NCAM1: variants seen among roughly 807,000 people sequenced by gnomAD.
The protein encoded by NCAM1 is neural cell adhesion molecule 1.
Under a neutral mutation model 109.8 loss-of-function variants are expected in NCAM1, and 14 were observed. The ratio of observed to expected loss-of-function variants is 0.13; its 90% CI spans 0.08 to 0.20. The LOEUF (loss-of-function observed/expected upper bound fraction) is 0.20, where lower values mean the gene tolerates loss of function less well. NCAM1 is among the 10% of genes least tolerant of loss of function. The pLI is 1.00. For missense variants in NCAM1, 774 were observed against 1,109.9 expected (o/e 0.70, Z 4.30); for synonymous variants, 418 against 442.9 (o/e 0.94, Z 0.70).
chr11:112,965,623 A>T (rs1455707224), intron 1 of NCAM1, among the ~76,000 whole-genome samples: 2 of 152,208 alleles, frequency 1.3e-5, no homozygotes, highest in African/African-American at 2.4e-5. Flanking sequence ...CTGCTTAAAT[A>T]ATGGACTCTG....
At chr11:113,043,219 A>G (rs1953139586) in intron 1 of NCAM1, among the ~76,000 whole-genome samples, 1 of 152,148 alleles carries the variant, frequency 6.6e-6, no homozygotes, top group South Asian at 2.1e-4. Context: ...GGTGCCATGA[A>G]GGATTTCAAA....
chr11:113,199,929 A>G (rs1397605383), intron 1 of NCAM1, among the ~76,000 whole-genome samples: 1 of 149,954 alleles, frequency 6.7e-6, no homozygotes, highest in Non-Finnish European at 1.5e-5. Flanking sequence ...TTTTCTCTCC[A>G]TGGCCCAGAG....
At position 113,204,357 on chromosome 11, in the gene NCAM1, C is replaced by G. The variant is rs782820147; in HGVS notation, c.199C>G (p.Gln67Glu). 1 of 1,614,012 alleles carries G rather than the reference C, an allele frequency of 6.2e-7. No individual in the cohort carries two copies. The highest frequency in any genetic ancestry group is 1.3e-5 in the African/African-American group (1 of 75,054). Residue 67 changes from glutamine to glutamate, a missense_variant, in exon 3 of 20, where the codon CAG becomes GAG. Around this residue, in one of 4 missense-constraint regions of NCAM1, gnomAD observed 112 missense variants for 142.0 expected, o/e 0.79. Transcript: ENST00000316851. ...PNGEKLTPNQ[Q>E]RISVVWNDDS... ...TGGAGAAAAGCTCACCCCAAACCAG[C>G]AGCGGATCTCAGTGGTGTGGAATGA...
intron 1 of NCAM1, among the ~76,000 whole-genome samples, chr11:113,127,339 C>A (rs899970903): frequency 3.9e-5 from 6 of 152,198 alleles, no homozygotes; most frequent in Admixed American, 3.3e-4. Context: ...ACCTCCGTGT[C>A]CACTCCTGCC....
chr11:113,165,273 C>T (rs1942751010), intron 1 of NCAM1, among the ~76,000 whole-genome samples: 1 of 152,174 alleles, frequency 6.6e-6, no homozygotes, highest in Non-Finnish European at 1.5e-5. Context: ...CCACCCCATC[C>T]ACTTAGATGA....
Position 113,270,244 on chromosome 11 carries a change from G to T in NCAM1, c.2188G>T (p.Val730Phe). Residue 730 changes from valine to phenylalanine, a missense_variant, in exon 18 of 20, where the codon GTC becomes TTC. This residue lies in a region of NCAM1 where 523 missense variants were observed against 784.2 expected (regional missense o/e 0.67). Coordinates refer to ENST00000316851, the MANE Select transcript of NCAM1 (RefSeq NM_181351.5). ...STGAIVGILI[V>F]IFVLLLVVVD... Reference sequence around the variant, plus strand: ...CGGGGCCATCGTGGGCATCCTCATCGTCATCTTCGTCCTGCTCCTGGTGGT... The same window carrying T: ...CGGGGCCATCGTGGGCATCCTCATCTTCATCTTCGTCCTGCTCCTGGTGGT... 6.2e-7 allele frequency: 1 copy of T among 1,614,006 alleles called. No individual in the cohort carries two copies. The highest frequency in any genetic ancestry group is 8.5e-7 in the Non-Finnish European group (1 of 1,179,890).
In NCAM1 at chr11:112,997,181, G is replaced by A. The variant is rs145386351; in HGVS notation, c.52+35517G>A. On this transcript the variant is annotated intron_variant, in intron 1 of 19. Transcript: ENST00000316851. ...TAATCAGGAAAGAAGGATACTTACT[G>A]CATGAGGGAGTGGGTGTTACTGAAC... Among the ~76,000 whole-genome samples, 3 of 152,096 alleles carry A rather than the reference G, an allele frequency of 2.0e-5. No individual in the cohort carries two copies. The East Asian group carries it at 5.8e-4, about 29-fold the overall frequency.
intron 1 of NCAM1, among the ~76,000 whole-genome samples, chr11:113,068,102 G>A (rs974251103): frequency 1.3e-5 from 2 of 151,954 alleles, no homozygotes; most frequent in Non-Finnish European, 2.9e-5. Flanking sequence ...CAGTAGAGAC[G>A]GGGTTTCACC....
In NCAM1 at chr11:113,197,766, G is replaced by C. The variant is rs1172448123; in HGVS notation, c.53-4613G>C. On this transcript the variant is annotated intron_variant, in intron 1 of 19. Transcript: ENST00000316851. Reference sequence around the variant, plus strand: ...CCCATTGGAATCTGAAAAGAAAACCGATAAAATAAAACTACTGCAAGAAGT... The same window carrying C: ...CCCATTGGAATCTGAAAAGAAAACCCATAAAATAAAACTACTGCAAGAAGT... Among the ~76,000 whole-genome samples, 3 of 152,182 alleles carry C rather than the reference G, an allele frequency of 2.0e-5. No individual in the cohort carries two copies. The East Asian group carries it at 5.8e-4, about 29-fold the overall frequency.
chr11:113,195,207 C>T (rs1555110605), intron 1 of NCAM1, among the ~76,000 whole-genome samples: 1 of 152,122 alleles, frequency 6.6e-6, no homozygotes, highest in African/African-American at 2.4e-5. Context: ...CTTCTTCCAC[C>T]CAGTTACTAT....
chr11:113,045,624 A>G (rs1180989247), intron 1 of NCAM1, among the ~76,000 whole-genome samples: 3 of 152,242 alleles, frequency 2.0e-5, no homozygotes, highest in Admixed American at 6.5e-5. Flanking sequence ...GCCATTATGC[A>G]TTATTTATAC....
At chr11:113,064,892 A>G (rs1937874967) in intron 1 of NCAM1, among the ~76,000 whole-genome samples, 1 of 152,238 alleles carries the variant, frequency 6.6e-6, no homozygotes, top group Non-Finnish European at 1.5e-5. Context: ...ATTTATAGGT[A>G]TGTGTATATA....
intron 1 of NCAM1, among the ~76,000 whole-genome samples, chr11:113,182,388 C>T (rs1332084273): frequency 1.3e-5 from 2 of 152,194 alleles, no homozygotes; most frequent in East Asian, 1.9e-4. Flanking sequence ...TGTCCTCTGT[C>T]ATCCTGGCCC....
intron 1 of NCAM1, among the ~76,000 whole-genome samples, chr11:113,177,849 T>C (rs1943214935): frequency 6.6e-6 from 1 of 152,148 alleles, no homozygotes; most frequent in Admixed American, 6.5e-5. Context: ...GTTTCTGCTT[T>C]CTCTCTTTCC....
intron 1 of NCAM1, among the ~76,000 whole-genome samples, chr11:113,116,195 T>C (rs1555094841): frequency 6.6e-6 from 1 of 152,242 alleles, no homozygotes; most frequent in Non-Finnish European, 1.5e-5. Flanking sequence ...CTAATTCATA[T>C]ATTTGTAGCA....
At chr11:113,275,117 G>C in intron 19 of NCAM1, 150 bp from the exon 20 acceptor site, 1 of 1,026,666 alleles carries the variant, frequency 9.7e-7, no homozygotes, top group East Asian at 2.6e-5. Context: ...GATTTTTAGT[G>C]CTCCCAGGTG....
intron 1 of NCAM1, among the ~76,000 whole-genome samples, chr11:112,992,645 C>T (rs1346574634): frequency 2.0e-5 from 3 of 151,804 alleles, no homozygotes; most frequent in Admixed American, 6.6e-5. Flanking sequence ...GGACTACAGG[C>T]GCCCGCCACC....
intron 1 of NCAM1, among the ~76,000 whole-genome samples, chr11:112,988,597 C>G (rs1419314326): frequency 1.3e-5 from 2 of 151,988 alleles, no homozygotes; most frequent in Non-Finnish European, 2.9e-5. Flanking sequence ...TGTTTTAAAT[C>G]CAGCACTTTG....
At chr11:113,114,297 G>A (rs1940585082) in intron 1 of NCAM1, among the ~76,000 whole-genome samples, 1 of 152,142 alleles carries the variant, frequency 6.6e-6, no homozygotes, top group African/African-American at 2.4e-5. Context: ...AGAGAGGTTT[G>A]GCCGTGGCCA....
Sources: gnomAD v4.1 joint callset for allele counts (sites outside exome capture counted in the v4.1 genomes callset) on GRCh38, gnomAD v4.1.1 for gene constraint, gnomAD v4.1.1 regional missense constraint, MANE v1.5 for transcripts, NCBI Gene and HGNC (gene_info 2026-07-23, HGNC 2026-07-21) for gene names.